The following CXCL13 variants were observed in gnomAD, a reference collection of about 807,000 sequenced individuals.
CXCL13 encodes the protein C-X-C motif chemokine 13.
CXCL13 carries 7 observed loss-of-function variants against 12.2 expected under a neutral mutation model. The observed-to-expected ratio is 0.57, with a 90% CI of 0.33 to 1.07. The LOEUF is 1.07. CXCL13 is among the 50% of genes least tolerant of loss of function. The probability of loss-of-function intolerance (pLI) is 0.04; values close to 1 mark genes in which losing one functional copy is unlikely to be tolerated. For missense variants in CXCL13, 113 were observed against 127.4 expected, an observed-to-expected ratio of 0.89 and a Z score of 0.55; for synonymous variants, 47 against 42.4, an observed-to-expected ratio of 1.11 and a Z score of -0.42.
At chr4:77,593,333 A>T (rs1179096904) in intron 1 of CXCL13, among the ~76,000 whole-genome samples, 2 of 152,244 alleles carry the variant, frequency 1.3e-5, no homozygotes, top group African/African-American at 4.8e-5. Flanking sequence ...TTATGGTAAG[A>T]AGGAGCAGTA....
chr4:77,518,919 G>A (rs556270970), intron 1 of CXCL13, among the ~76,000 whole-genome samples: 1 of 152,166 alleles, frequency 6.6e-6, no homozygotes, highest in East Asian at 1.9e-4. Flanking sequence ...CCATCTTTGT[G>A]GTTTTATCTA....
At chr4:77,569,209 C>G (rs1726007067) in intron 1 of CXCL13, among the ~76,000 whole-genome samples, 1 of 152,182 alleles carries the variant, frequency 6.6e-6, no homozygotes, top group Non-Finnish European at 1.5e-5. Context: ...CTGTACAAGA[C>G]AAGGATACCT....
At chr4:77,553,977 G>A (rs557875554) in intron 1 of CXCL13, among the ~76,000 whole-genome samples, 8 of 152,252 alleles carry the variant, frequency 5.3e-5, no homozygotes, top group Non-Finnish European at 1.2e-4. Context: ...AGGTAACTAT[G>A]TGAGATGATA....
At chr4:77,561,933 C>T (rs1367077087) in intron 1 of CXCL13, among the ~76,000 whole-genome samples, 1 of 152,170 alleles carries the variant, frequency 6.6e-6, no homozygotes. Flanking sequence ...TGCTTGTGGG[C>T]CAGCACAAGT....
At chr4:77,585,784 T>C (rs1465258793) in intron 1 of CXCL13, among the ~76,000 whole-genome samples, 1 of 152,220 alleles carries the variant, frequency 6.6e-6, no homozygotes, top group East Asian at 1.9e-4. Context: ...TGAGAAGCTA[T>C]AATAGGCCCC....
intron 1 of CXCL13, among the ~76,000 whole-genome samples, chr4:77,545,394 C>T (rs1480222756): frequency 4.6e-5 from 7 of 152,118 alleles, no homozygotes; most frequent in Non-Finnish European, 1.0e-4. Context: ...GAATGTTCTT[C>T]CATTTGATTG....
intron 1 of CXCL13, among the ~76,000 whole-genome samples, chr4:77,574,234 A>G (rs1237408696): frequency 1.3e-5 from 2 of 151,498 alleles, no homozygotes; most frequent in African/African-American, 4.9e-5. Context: ...TCTTCTTATC[A>G]CCTTCAATGT....
intron 1 of CXCL13, among the ~76,000 whole-genome samples, chr4:77,519,135 C>T (rs937229673): frequency 6.6e-6 from 1 of 152,134 alleles, no homozygotes; most frequent in Non-Finnish European, 1.5e-5. Context: ...ATGCTGCTGT[C>T]TGATCGTTCC....
intron 1 of CXCL13, among the ~76,000 whole-genome samples, chr4:77,522,865 T>G (rs1192995745): frequency 6.6e-6 from 1 of 152,146 alleles, no homozygotes; most frequent in Non-Finnish European, 1.5e-5. Flanking sequence ...TCTTTACATG[T>G]TTAGTGCTTC....
rs75709988 is a variant in CXCL13, at chr4:77,559,613, T to C, written c.-42-46211T>C. Reference sequence around the variant, plus strand: ...GCCGTGTGTGTGTGTGTGTGTGTGATTGAAAGTAAAGTAAAACCTGACACT... The same window carrying C: ...GCCGTGTGTGTGTGTGTGTGTGTGACTGAAAGTAAAGTAAAACCTGACACT... On this transcript the variant is annotated intron_variant, in intron 1 of 4. Transcript: ENST00000286758. 9.5e-4 allele frequency among the ~76,000 whole-genome samples: 142 copies of C among 149,282 alleles called. 3 individuals are homozygous for C. In the East Asian group the frequency reaches 0.026, roughly 27 times the overall value.
intron 1 of CXCL13, among the ~76,000 whole-genome samples, chr4:77,541,895 G>A (rs958855161): frequency 6.6e-6 from 1 of 152,062 alleles, no homozygotes; most frequent in African/African-American, 2.4e-5. Flanking sequence ...CTTTCAGGCG[G>A]TGTTTTCTAG....
intron 1 of CXCL13, among the ~76,000 whole-genome samples, chr4:77,560,046 TTTTC>T (rs1185582868): frequency 1.5e-5 from 2 of 133,604 alleles, no homozygotes; most frequent in African/African-American, 7.1e-5. Context: ...AATGAGGTTG[TTTTC>T]TTTCTTTTTC....
intron 1 of CXCL13, among the ~76,000 whole-genome samples, chr4:77,545,352 C>G (rs1305989416): frequency 6.6e-6 from 1 of 152,168 alleles, no homozygotes; most frequent in Non-Finnish European, 1.5e-5. Context: ...TGGCCATTTT[C>G]ATGATATTGA....
intron 1 of CXCL13, among the ~76,000 whole-genome samples, chr4:77,530,830 T>A (rs752674791): frequency 1.3e-5 from 2 of 152,118 alleles, no homozygotes; most frequent in African/African-American, 2.4e-5. Flanking sequence ...TTGTATGTGT[T>A]TGTTCTTGCT....
At chr4:77,521,601 CT>C (rs1724601215) in intron 1 of CXCL13, among the ~76,000 whole-genome samples, 2 of 151,622 alleles carry the variant, frequency 1.3e-5, no homozygotes, top group African/African-American at 4.8e-5. Context: ...TTTGTTTCTT[CT>C]TTCTTTTCTC....
chr4:77,515,270 G>A (rs970856899), intron 1 of CXCL13, among the ~76,000 whole-genome samples: 31 of 152,182 alleles, frequency 2.0e-4, no homozygotes, highest in Non-Finnish European at 4.1e-4. Flanking sequence ...TTTTGGCTTA[G>A]GATTGACATG....
intron 1 of CXCL13, among the ~76,000 whole-genome samples, chr4:77,517,785 T>A (rs986175173): frequency 6.6e-6 from 1 of 152,230 alleles, no homozygotes; most frequent in African/African-American, 2.4e-5. Flanking sequence ...TGTCTTTTAA[T>A]TGGAGCATTG....
chr4:77,590,368 T>C (rs1450886531), intron 1 of CXCL13, among the ~76,000 whole-genome samples: 1 of 152,226 alleles, frequency 6.6e-6, no homozygotes, highest in Non-Finnish European at 1.5e-5. Context: ...TCAAAGAAGC[T>C]GACAGCTGTG....
chr4:77,541,648 T>C (rs1012026091), intron 1 of CXCL13, among the ~76,000 whole-genome samples: 1 of 152,232 alleles, frequency 6.6e-6, no homozygotes, highest in African/African-American at 2.4e-5. Flanking sequence ...GGTAGTGTGA[T>C]GGCTCTGGCT....
Sources: gnomAD v4.1 joint callset for allele counts (sites outside exome capture counted in the v4.1 genomes callset) on GRCh38, gnomAD v4.1.1 for gene constraint, MANE v1.5 for transcripts, NCBI Gene and HGNC (gene_info 2026-07-23, HGNC 2026-07-21) for gene names.